Variants in ANO5 observed in about 807,000 individuals in gnomAD.
The protein encoded by ANO5 is anoctamin-5.
A neutral mutation model predicts 121.0 loss-of-function variants in ANO5; 109 were observed. The observed-to-expected ratio is 0.90, with a 90% CI of 0.77 to 1.06. ANO5 has a LOEUF of 1.06. ANO5 is among the 50% of genes least tolerant of loss of function. ANO5 has a pLI of 0.00. For synonymous variants in ANO5, 406 were observed against 359.9 expected, an observed-to-expected ratio of 1.13 and a Z score of -1.45; for missense variants, 1,064 against 1,078.5, an observed-to-expected ratio of 0.99 and a Z score of 0.19.
chr11:22,198,250 G>A (rs1360258209), intron 1 of ANO5, among the ~76,000 whole-genome samples: 1 of 152,196 alleles, frequency 6.6e-6, no homozygotes, highest in Non-Finnish European at 1.5e-5. Flanking sequence ...TCCAGAGAGG[G>A]CTGCATTCAA....
Position 22,210,239 on chromosome 11 carries a change from T to G in ANO5, c.88-1025T>G, listed in dbSNP as rs541513863. Among the ~76,000 whole-genome samples, 10 of 152,094 alleles carry G rather than the reference T, an allele frequency of 6.6e-5. No homozygotes were observed. In the South Asian group the frequency reaches 2.1e-3, roughly 31 times the overall value. On this transcript the variant is annotated intron_variant, in intron 2 of 21. Coordinates refer to ENST00000324559, the MANE Select transcript of ANO5 (RefSeq NM_213599.3). ...GATTGCATTATCTTGTAATTTATAT[T>G]AAATATAGTGGTATGAAAATTGTAC...
Position 22,250,740 on chromosome 11 carries a change from G to A in ANO5, c.1014-1G>A. On this transcript the variant is annotated splice_acceptor_variant, in intron 10 of 21. Coordinates refer to ENST00000324559, the MANE Select transcript of ANO5 (RefSeq NM_213599.3). LOFTEE classifies it high-confidence loss of function. ...CAATAACTTTGCTGTTCCTCTTGCAGCACTGAAATCTGTGACCCTGAGATT... is the reference window on the plus strand; with the variant it reads ...CAATAACTTTGCTGTTCCTCTTGCAACACTGAAATCTGTGACCCTGAGATT... The A allele has an allele frequency of 1.9e-6, 3 of 1,613,790 alleles. No homozygotes were observed. The highest frequency in any genetic ancestry group is 1.7e-5 in the Admixed American group (1 of 60,014).
chr11:22,279,370 G>A (rs549012310), intron 21 of ANO5, among the ~76,000 whole-genome samples, 174 bp from the exon 22 acceptor site: 145 of 151,960 alleles, frequency 9.5e-4, no homozygotes, highest in African/African-American at 3.0e-3. Context: ...ATATTTATTT[G>A]TTTGATGTTG....
intron 18 of ANO5, 120 bp from the exon 19 acceptor site, chr11:22,272,664 C>T (rs1453432641): frequency 2.2e-6 from 2 of 905,684 alleles, no homozygotes; most frequent in African/African-American, 1.7e-5. Flanking sequence ...CGGATGGAAG[C>T]CTGGATTGTC....
At chr11:22,237,912 G>A (rs1853280853) in intron 8 of ANO5, among the ~76,000 whole-genome samples, 1 of 152,000 alleles carries the variant, frequency 6.6e-6, no homozygotes, top group Non-Finnish European at 1.5e-5. Flanking sequence ...AAATGTAGTA[G>A]TATTTGCATA....
At chr11:22,256,440 C>A (rs904316714) in intron 13 of ANO5, among the ~76,000 whole-genome samples, 4 of 152,014 alleles carry the variant, frequency 2.6e-5, no homozygotes, top group African/African-American at 4.8e-5. Flanking sequence ...GAAAACATCT[C>A]AAAAGATCAT....
At chr11:22,272,523 T>TTG (rs1854659184) in intron 18 of ANO5, among the ~76,000 whole-genome samples, 1 of 152,136 alleles carries the variant, frequency 6.6e-6, no homozygotes, top group East Asian at 1.9e-4. Context: ...AATAGAATCT[T>TTG]CCTTGTAACA....
Position 22,259,587 on chromosome 11 carries a change from T to G in ANO5, c.1476T>G (p.Ala492=). Residue 492 remains alanine, a synonymous_variant, in exon 15 of 22, where the codon GCT becomes GCG. Coordinates refer to ENST00000324559, the MANE Select transcript of ANO5 (RefSeq NM_213599.3). ...VYRLSVFATF[A]SFMESDASLK... ...GCCTGTCAGTCTTTGCTACATTTGCTAGTTTCATGGAAAGTGATGCATCCT... is the reference window on the plus strand; with the variant it reads ...GCCTGTCAGTCTTTGCTACATTTGCGAGTTTCATGGAAAGTGATGCATCCT... 1 of 1,614,144 alleles carries G rather than the reference T, an allele frequency of 6.2e-7. No homozygotes were observed.
At chr11:22,235,164 A>G (rs147887731) in intron 7 of ANO5, among the ~76,000 whole-genome samples, 178 of 151,896 alleles carry the variant, frequency 1.2e-3, no homozygotes, top group African/African-American at 4.1e-3. Context: ...GTTTTTTTTT[A>G]AATTTTAGAA....
At chr11:22,255,674 T>C in intron 13 of ANO5, 152 bp downstream of exon 13, 1 of 723,604 alleles carries the variant, frequency 1.4e-6, no homozygotes, top group Non-Finnish European at 2.2e-6. Flanking sequence ...TATACATACA[T>C]GTATATAAAT....
intron 17 of ANO5, among the ~76,000 whole-genome samples, chr11:22,264,162 T>C (rs1284039016): frequency 6.6e-6 from 1 of 151,862 alleles, no homozygotes; most frequent in Non-Finnish European, 1.5e-5. Flanking sequence ...CAGCTGGGAT[T>C]ACAGGCATGT....
chr11:22,206,940 A>G (rs1222083709), intron 2 of ANO5, among the ~76,000 whole-genome samples: 1 of 152,124 alleles, frequency 6.6e-6, no homozygotes, highest in East Asian at 1.9e-4. Context: ...AGGTATTCAG[A>G]TCAGAAAGGG....
At chr11:22,192,906 C>A, upstream of ANO5, 1 of 900,946 alleles carries the variant, frequency 1.1e-6, no homozygotes, top group Non-Finnish European at 1.3e-6. Flanking sequence ...GAGCAGGGAC[C>A]TGGGGACGGC....
chr11:22,277,336 A>G (rs1337634041), intron 21 of ANO5, among the ~76,000 whole-genome samples: 2 of 151,642 alleles, frequency 1.3e-5, no homozygotes, highest in African/African-American at 2.4e-5. Context: ...CATATGATCT[A>G]ATTCTGCCTT....
rs5790246 is a variant in ANO5 at position 22,279,864 on chromosome 11, CTT to C, written c.*112_*113del. The C allele has an allele frequency of 0.5, 361,678 of 727,876 alleles. 55,499 individuals carry two copies. The highest frequency in any genetic ancestry group is 0.52 in the Non-Finnish European group (246,442 of 473,046). 45.1% of individuals were successfully genotyped at this position (727,876 alleles called of 1,614,324 possible). On this transcript the variant is annotated 3_prime_UTR_variant, in exon 22 of 22. Transcript: ENST00000324559. The stretch of plus-strand genomic sequence containing the variant: ...AAGCCATGTGTCAATTTTACCCTTT[CTT>C]TTTTTTTTTTTTCTTTTTTTTTTTA...
chr11:22,199,966 T>C (rs1851917605), intron 1 of ANO5, among the ~76,000 whole-genome samples: 1 of 152,172 alleles, frequency 6.6e-6, no homozygotes, highest in South Asian at 2.1e-4. Flanking sequence ...TAAAATCTAT[T>C]GGTCTGTCCT....
chr11:22,194,037 G>T (rs1018522414), intron 1 of ANO5, among the ~76,000 whole-genome samples: 5 of 152,160 alleles, frequency 3.3e-5, no homozygotes, highest in African/African-American at 9.7e-5. Flanking sequence ...TTAATTGTAG[G>T]AGTAGCAGAT....
At chr11:22,219,628 A>G (rs1852574894) in intron 4 of ANO5, among the ~76,000 whole-genome samples, 1 of 152,054 alleles carries the variant, frequency 6.6e-6, no homozygotes, top group African/African-American at 2.4e-5. Context: ...GTTGCCTTCC[A>G]AGAATTTTGG....
chr11:22,208,722 T>A (rs1254514204), intron 2 of ANO5, among the ~76,000 whole-genome samples: 1 of 151,964 alleles, frequency 6.6e-6, no homozygotes, highest in East Asian at 1.9e-4. Flanking sequence ...AAGATGGAAA[T>A]AACCATTGGA....
Sources: gnomAD v4.1 joint callset for allele counts (sites outside exome capture counted in the v4.1 genomes callset) on GRCh38, gnomAD v4.1.1 for gene constraint, MANE v1.5 for transcripts, NCBI Gene and HGNC (gene_info 2026-07-23, HGNC 2026-07-21) for gene names.